Variants in TTC39B observed in about 807,000 individuals in gnomAD.
TTC39B encodes the protein tetratricopeptide repeat protein 39B.
TTC39B carries 92 observed loss-of-function variants against 96.6 expected under a neutral mutation model. That is an observed-to-expected ratio of 0.95 (90% confidence interval 0.80 to 1.13). The LOEUF is 1.13. Among genes scored for constraint, TTC39B ranks in the 50% most tolerant of loss-of-function variants. The pLI is 0.00. For missense variants in TTC39B, 955 were observed against 809.3 expected (o/e 1.18, Z -2.18); for synonymous variants, 367 against 299.4 (o/e 1.23, Z -2.33).
chr9:15,250,622 T>C (rs138991794), intron 2 of TTC39B, among the ~76,000 whole-genome samples: 13 of 152,342 alleles, frequency 8.5e-5, no homozygotes, highest in African/African-American at 2.6e-4. Flanking sequence ...ACCAAGATAG[T>C]TGGAAAACTC....
chr9:15,293,275 G>A, intron 1 of TTC39B, among the ~76,000 whole-genome samples: 1 of 152,122 alleles, frequency 6.6e-6, no homozygotes, highest in South Asian at 2.1e-4. Context: ...TTGTGTAAGT[G>A]CACTATGATG....
chr9:15,202,892 G>T (rs958588154), intron 7 of TTC39B, among the ~76,000 whole-genome samples: 1 of 152,086 alleles, frequency 6.6e-6, no homozygotes, highest in East Asian at 1.9e-4. Context: ...CAGAAGCATT[G>T]GAAGATACAG....
At chr9:15,186,764 A>G (rs1217582804) in intron 15 of TTC39B, 180 bp downstream of exon 15, 4 of 568,532 alleles carry the variant, frequency 7.0e-6, no homozygotes, top group South Asian at 6.9e-5. Context: ...GCATTATTTC[A>G]GCTCACTTGC....
At chr9:15,297,877 A>C (rs540197645) in intron 1 of TTC39B, among the ~76,000 whole-genome samples, 1 of 152,250 alleles carries the variant, frequency 6.6e-6, no homozygotes, top group South Asian at 2.1e-4. Flanking sequence ...GTGATGGTTA[A>C]TTTTAGGTGT....
At chr9:15,277,056 C>T (rs1275788243) in intron 1 of TTC39B, among the ~76,000 whole-genome samples, 2 of 152,204 alleles carry the variant, frequency 1.3e-5, no homozygotes, top group Non-Finnish European at 2.9e-5. Context: ...AAAATGTTAA[C>T]TCCCTTTGCC....
In TTC39B at chr9:15,294,283, G is replaced by C. The variant is rs1469608930; in HGVS notation, c.240+12801C>G. Among the ~76,000 whole-genome samples, 2 of 151,982 alleles carry C rather than the reference G, an allele frequency of 1.3e-5. 1 individual carries two copies. Among genetic ancestry groups the C allele is most frequent in the South Asian group, 4.1e-4 (2 of 4,824 alleles). On this transcript the variant is annotated intron_variant, in intron 1 of 19. Transcript: ENST00000512701. ...AGCAAGAACCCTAGAGTCCCTCCAG[G>C]GCTCAGGAATGCTTGCACACTCTTA...
At chr9:15,302,488 A>G (rs1293703658) in intron 1 of TTC39B, among the ~76,000 whole-genome samples, 3 of 135,796 alleles carry the variant, frequency 2.2e-5, no homozygotes, top group Admixed American at 8.4e-5. Context: ...GTGGTGGCAC[A>G]TGCATCACGC....
chr9:15,262,851 C>G (rs900764288), intron 2 of TTC39B, among the ~76,000 whole-genome samples: 2 of 152,052 alleles, frequency 1.3e-5, no homozygotes, highest in African/African-American at 4.8e-5. Context: ...CTCTCTGCAC[C>G]AGAAACATAA....
chr9:15,205,255 TG>T (rs1819778935), intron 6 of TTC39B, among the ~76,000 whole-genome samples: 1 of 152,166 alleles, frequency 6.6e-6, no homozygotes, highest in African/African-American at 2.4e-5. Context: ...CACTGCTTTT[TG>T]GTAAAAGCTC....
intron 8 of TTC39B, among the ~76,000 whole-genome samples, chr9:15,199,476 G>A (rs938174413): frequency 2.0e-5 from 3 of 151,748 alleles, no homozygotes; most frequent in Non-Finnish European, 2.9e-5. Flanking sequence ...TGGCTCACGC[G>A]TGTAATCCCA....
intron 8 of TTC39B, among the ~76,000 whole-genome samples, chr9:15,193,272 T>C (rs1389645569): frequency 2.0e-5 from 3 of 152,270 alleles, no homozygotes; most frequent in Non-Finnish European, 4.4e-5. Context: ...TTACTTTCTA[T>C]GTATTTCTCT....
At chr9:15,225,030 G>C (rs941877006) in intron 3 of TTC39B, among the ~76,000 whole-genome samples, 9 of 152,146 alleles carry the variant, frequency 5.9e-5, no homozygotes, top group African/African-American at 1.7e-4. Flanking sequence ...TGGATGAAAA[G>C]TACTTTCTCA....
chr9:15,194,010 T>G (rs2131276573), intron 8 of TTC39B, among the ~76,000 whole-genome samples: 1 of 152,292 alleles, frequency 6.6e-6, no homozygotes, highest in South Asian at 2.1e-4. Context: ...ATGAGACAAC[T>G]GGAGAAATGT....
chr9:15,201,351 G>T (rs1216898881), intron 7 of TTC39B, among the ~76,000 whole-genome samples: 4 of 151,844 alleles, frequency 2.6e-5, no homozygotes, highest in Non-Finnish European at 4.4e-5. Flanking sequence ...TGCAAAAACA[G>T]ATGAAAGTAA....
intron 17 of TTC39B, among the ~76,000 whole-genome samples, chr9:15,179,853 G>A (rs1396111735): frequency 2.0e-5 from 3 of 152,160 alleles, no homozygotes; most frequent in Non-Finnish European, 4.4e-5. Flanking sequence ...TGACGAACTT[G>A]AGTTAGGCAT....
At chr9:15,178,030 C>T (rs1375441935) in intron 17 of TTC39B, among the ~76,000 whole-genome samples, 11 of 151,860 alleles carry the variant, frequency 7.2e-5, no homozygotes, top group South Asian at 2.1e-4. Context: ...CCACCACGCC[C>T]GGCTAATTTT....
At chr9:15,282,268 A>G (rs1823795899) in intron 1 of TTC39B, among the ~76,000 whole-genome samples, 1 of 152,192 alleles carries the variant, frequency 6.6e-6, no homozygotes, top group Non-Finnish European at 1.5e-5. Context: ...ATCCACCAAA[A>G]AATGAATTAA....
chr9:15,264,633 C>G (rs538215491), intron 2 of TTC39B, among the ~76,000 whole-genome samples: 1 of 132,380 alleles, frequency 7.6e-6, no homozygotes, highest in Non-Finnish European at 1.5e-5. Flanking sequence ...CTAGCCTGGG[C>G]GACAGAGCGA....
At chr9:15,186,628 G>C (rs954302876) in intron 15 of TTC39B, 20 of 196,622 alleles carry the variant, frequency 1.0e-4, no homozygotes, top group African/African-American at 4.4e-4. Context: ...GAACTTTACA[G>C]TAAAAAGTGA....
Sources: allele counts gnomAD v4.1 joint callset (sites outside exome capture counted in the v4.1 genomes callset), GRCh38; gene constraint gnomAD v4.1.1; transcripts MANE v1.5; gene names NCBI Gene and HGNC (gene_info 2026-07-23, HGNC 2026-07-21).